FSD1L: variants seen among roughly 807,000 people sequenced by gnomAD.
FSD1L encodes the protein fibronectin type III and SPRY domain containing 1 like.
Under a neutral mutation model 71.6 loss-of-function variants are expected in FSD1L, and 45 were observed. That is an observed-to-expected ratio of 0.63 (90% CI 0.49 to 0.81). The LOEUF is 0.81. FSD1L is among the 30% of genes least tolerant of loss of function. The pLI, the probability that FSD1L is intolerant of heterozygous loss-of-function variation, is 0.00. For missense variants in FSD1L, 561 were observed against 618.1 expected, an observed-to-expected ratio of 0.91 and a Z score of 0.98; for synonymous variants, 197 against 207.2, an observed-to-expected ratio of 0.95 and a Z score of 0.42.
chr9:105,520,656 T>C, intron 10 of FSD1L: 1 of 1,612,776 alleles, frequency 6.2e-7, no homozygotes, highest in Non-Finnish European at 8.5e-7. Context: ...TTTCTTACTA[T>C]GGTTGCAAGC....
chr9:105,470,702 A>G (rs985037189), intron 4 of FSD1L, among the ~76,000 whole-genome samples: 1 of 152,088 alleles, frequency 6.6e-6, no homozygotes, highest in African/African-American at 2.4e-5. Flanking sequence ...CAGATACTGT[A>G]TCTTCGAAGT....
intron 7 of FSD1L, among the ~76,000 whole-genome samples, chr9:105,492,046 T>C (rs1435720008): frequency 2.0e-5 from 3 of 151,860 alleles, no homozygotes; most frequent in African/African-American, 7.3e-5. Flanking sequence ...TTCTTTTTTA[T>C]TGATTGGAAT....
chr9:105,488,694 T>A (rs1481890879), intron 7 of FSD1L, among the ~76,000 whole-genome samples: 1 of 152,180 alleles, frequency 6.6e-6, no homozygotes, highest in African/African-American at 2.4e-5. Context: ...GGTATTTTAT[T>A]GTTTTTTAAA....
intron 6 of FSD1L, among the ~76,000 whole-genome samples, chr9:105,481,776 ATTT>A (rs200208077): frequency 1.4e-5 from 2 of 143,912 alleles, no homozygotes; most frequent in African/African-American, 2.5e-5. Flanking sequence ...CAAAGAAAGG[ATTT>A]TTTTTTTTTT....
At chr9:105,480,391 C>T (rs1832092735) in intron 6 of FSD1L, among the ~76,000 whole-genome samples, 2 of 151,392 alleles carry the variant, frequency 1.3e-5, no homozygotes, top group Non-Finnish European at 2.9e-5. Context: ...CTCATGGGCT[C>T]AAGTGATCCT....
rs1438356034 is a variant in FSD1L at position 105,548,413 on chromosome 9, A to G, written c.*1930A>G. 1.3e-5 allele frequency: 2 copies of G among 152,510 alleles called. No individual in the cohort carries two copies. The highest frequency in any genetic ancestry group is 1.3e-4 in the Admixed American group (2 of 15,252). The allele number at this position is 152,510 out of a possible 1,614,324, so 9.4% of individuals were successfully genotyped here. A position where few individuals can be genotyped will look rare whatever the true frequency, so the allele number is the denominator to read the frequency against. ...AAAAGGTCAGATGCTGTTGTATAAA[A>G]TTTTTTACTAGTGTGTCTTATATAA... On this transcript the variant is annotated 3_prime_UTR_variant, in exon 14 of 14. Coordinates refer to ENST00000481272, the MANE Select transcript of FSD1L (RefSeq NM_001145313.3).
intron 7 of FSD1L, among the ~76,000 whole-genome samples, chr9:105,502,596 C>G (rs1833826499): frequency 6.6e-6 from 1 of 152,018 alleles, no homozygotes; most frequent in South Asian, 2.1e-4. Context: ...TTTTCTTTAT[C>G]TAGGTTTCCC....
intron 1 of FSD1L, among the ~76,000 whole-genome samples, chr9:105,454,599 G>A (rs528278291): frequency 6.6e-6 from 1 of 152,224 alleles, no homozygotes; most frequent in Admixed American, 6.5e-5. Context: ...TCATTAAATG[G>A]TAGGACCTCT....
At chr9:105,498,623 A>G (rs1016058315) in intron 7 of FSD1L, among the ~76,000 whole-genome samples, 3 of 152,236 alleles carry the variant, frequency 2.0e-5, no homozygotes, top group African/African-American at 4.8e-5. Flanking sequence ...TATATGGCTT[A>G]TGGCTCATGA....
intron 10 of FSD1L, chr9:105,526,458 T>C (rs1200369588): frequency 3.1e-6 from 5 of 1,612,752 alleles, no homozygotes; most frequent in Non-Finnish European, 3.4e-6. Flanking sequence ...GCCTCTCCAA[T>C]GTCTCCTCGA....
chr9:105,529,675 C>A (rs562693491), intron 10 of FSD1L, among the ~76,000 whole-genome samples: 2 of 151,714 alleles, frequency 1.3e-5, no homozygotes, highest in East Asian at 3.9e-4. Flanking sequence ...GGTAGGTGAC[C>A]GGTTGATGAG....
At position 105,479,458 on chromosome 9, in the gene FSD1L, T is replaced by G. The variant is rs181806561; in HGVS notation, c.464+82T>G. ...TCAGAAATAGTTTTTTAATTAAAATTGTGTTAGTTAAGATAAAAGTACCCA... is the reference window on the plus strand; with the variant it reads ...TCAGAAATAGTTTTTTAATTAAAATGGTGTTAGTTAAGATAAAAGTACCCA... On this transcript the variant is annotated intron_variant, in intron 6 of 13. Coordinates refer to ENST00000481272, the MANE Select transcript of FSD1L (RefSeq NM_001145313.3). The G allele has an allele frequency of 7.1e-6, 9 of 1,262,580 alleles. No individual in the cohort carries two copies. The Admixed American group carries it at 8.6e-5, about 12-fold the overall frequency. The allele number at this position is 1,262,580 out of a possible 1,614,324, so 78.2% of individuals were successfully genotyped here.
intron 10 of FSD1L, among the ~76,000 whole-genome samples, chr9:105,516,900 C>G (rs1221266269): frequency 6.6e-6 from 1 of 152,058 alleles, no homozygotes; most frequent in African/African-American, 2.4e-5. Flanking sequence ...CATGTTCTAA[C>G]CTAATGCAAG....
intron 7 of FSD1L, among the ~76,000 whole-genome samples, chr9:105,495,616 C>T (rs573914349): frequency 9.8e-5 from 15 of 152,294 alleles, no homozygotes; most frequent in Middle Eastern, 3.4e-3. Flanking sequence ...AGCTGTAGAC[C>T]GGAGCTGTTC....
chr9:105,484,566 G>T lies in FSD1L; in HGVS notation c.586+64G>T, dbSNP rs1044509075. ...TTTTTTTTTTCTACAAGATTTTTTTGCAGTGAACATTGGTTTGTAAATATT... is the reference window on the plus strand; with the variant it reads ...TTTTTTTTTTCTACAAGATTTTTTTTCAGTGAACATTGGTTTGTAAATATT... On this transcript the variant is annotated intron_variant, in intron 7 of 13. Coordinates refer to ENST00000481272, the MANE Select transcript of FSD1L (RefSeq NM_001145313.3). 130 of 1,121,602 alleles carry T rather than the reference G, an allele frequency of 1.2e-4. No individual in the cohort carries two copies. In the African/African-American group the frequency reaches 2.1e-3, roughly 18 times the overall value. 69.5% of individuals were successfully genotyped at this position (1,121,602 alleles called of 1,614,324 possible).
At chr9:105,487,107 G>A (rs763321232) in intron 7 of FSD1L, among the ~76,000 whole-genome samples, 5 of 152,116 alleles carry the variant, frequency 3.3e-5, no homozygotes, top group Non-Finnish European at 7.4e-5. Context: ...CCACTTAACA[G>A]TATGTAGGAG....
At chr9:105,521,725 A>C in intron 10 of FSD1L, 1 of 1,613,416 alleles carries the variant, frequency 6.2e-7, no homozygotes, top group Non-Finnish European at 8.5e-7. Context: ...AATACTGCTG[A>C]TCATGTTCGA....
intron 10 of FSD1L, chr9:105,524,688 C>A: frequency 1.2e-6 from 2 of 1,613,962 alleles, no homozygotes; most frequent in Non-Finnish European, 8.5e-7. Context: ...TCTGCGCTCT[C>A]CTGACTCAGA....
chr9:105,529,550 C>A (rs1835757595), intron 10 of FSD1L, among the ~76,000 whole-genome samples: 1 of 152,044 alleles, frequency 6.6e-6, no homozygotes, highest in Non-Finnish European at 1.5e-5. Flanking sequence ...CGTGTTCTCA[C>A]TCATAAGTGG....
Sources: gnomAD v4.1 joint callset for allele counts (sites outside exome capture counted in the v4.1 genomes callset) on GRCh38, gnomAD v4.1.1 for gene constraint, MANE v1.5 for transcripts, NCBI Gene and HGNC (gene_info 2026-07-23, HGNC 2026-07-21) for gene names.